The following RUNX2 variants were observed in gnomAD, a reference collection of about 807,000 sequenced individuals.
RUNX2 encodes runt-related transcription factor 2.
In RUNX2, 10 loss-of-function variants were observed where a neutral mutation model predicts 51.7. The observed-to-expected ratio is 0.19, with a 90% CI of 0.12 to 0.33. RUNX2 has a LOEUF of 0.33. Ranked by LOEUF, RUNX2 falls within the 10% of genes least tolerant of loss-of-function variation. The pLI is 1.00. For missense variants in RUNX2, 562 were observed against 691.3 expected, an observed-to-expected ratio of 0.81 and a Z score of 2.10; for synonymous variants, 276 against 273.6, an observed-to-expected ratio of 1.01 and a Z score of -0.09.
rs534298123 is a variant in RUNX2 at position 45,444,196 on chromosome 6, G to T, written c.685+6145G>T. Reference sequence around the variant, plus strand: ...TGTATCATCCAACTTTGAAATTCTTGCTTGCTGGCACCTTGGCAAACCTAC... The same window carrying T: ...TGTATCATCCAACTTTGAAATTCTTTCTTGCTGGCACCTTGGCAAACCTAC... On this transcript the variant is annotated intron_variant, in intron 5 of 8. Transcript: ENST00000647337. Among the ~76,000 whole-genome samples, 7 of 152,314 alleles carry T rather than the reference G, an allele frequency of 4.6e-5. No homozygotes were observed. In the South Asian group the frequency reaches 1.4e-3, roughly 32 times the overall value.
chr6:45,344,127 T>C (rs959673436), intron 2 of RUNX2, among the ~76,000 whole-genome samples: 2 of 152,190 alleles, frequency 1.3e-5, no homozygotes, highest in African/African-American at 4.8e-5. Flanking sequence ...AGATAAAAGT[T>C]GATATGAAGT....
At chr6:45,369,412 AGTTT>A (rs1349021355) in intron 2 of RUNX2, among the ~76,000 whole-genome samples, 1 of 152,198 alleles carries the variant, frequency 6.6e-6, no homozygotes, top group Non-Finnish European at 1.5e-5. Flanking sequence ...AGTTTATATT[AGTTT>A]AATATTAAAT....
At chr6:45,393,381 T>A (rs1797513337) in intron 2 of RUNX2, among the ~76,000 whole-genome samples, 1 of 152,146 alleles carries the variant, frequency 6.6e-6, no homozygotes, top group Non-Finnish European at 1.5e-5. Context: ...AGCTGCGGTG[T>A]CAGTGTCTAA....
At chr6:45,544,224 G>A (rs1285270500) in intron 7 of RUNX2, among the ~76,000 whole-genome samples, 1 of 151,966 alleles carries the variant, frequency 6.6e-6, no homozygotes, top group Non-Finnish European at 1.5e-5. Context: ...TTGTTGCATT[G>A]TTTTCTATAA....
chr6:45,472,386 A>G lies in RUNX2; in HGVS notation c.686-19555A>G, dbSNP rs116299090. On this transcript the variant is annotated intron_variant, in intron 5 of 8. Coordinates refer to ENST00000647337, the MANE Select transcript of RUNX2 (RefSeq NM_001024630.4). ...CAGATGTATATGATGTTGGAATTAC[A>G]TTCCCCTCTCCCCCAGAAAGAACAT... Among the ~76,000 whole-genome samples the G allele has an allele frequency of 6.3e-3, 964 of 152,320 alleles. 9 individuals carry two copies. Among genetic ancestry groups the G allele is most frequent in the African/African-American group, 0.022 (903 of 41,566 alleles).
rs574750703 is a variant in RUNX2 at position 45,425,522 on chromosome 6, T to A, written c.423+2565T>A. On this transcript the variant is annotated intron_variant, in intron 3 of 8. Transcript: ENST00000647337. Reference sequence around the variant, plus strand: ...ATATCAATTGAATAATGAATTGAGTTAACCTACAACCTGACTGTCAATGTC... The same window carrying A: ...ATATCAATTGAATAATGAATTGAGTAAACCTACAACCTGACTGTCAATGTC... Among the ~76,000 whole-genome samples, 283 of 152,352 alleles carry A rather than the reference T, an allele frequency of 1.9e-3. 1 individual carries two copies. The highest frequency in any genetic ancestry group is 6.4e-3 in the African/African-American group (267 of 41,584).
At chr6:45,508,385 C>T (rs1801043826) in intron 6 of RUNX2, among the ~76,000 whole-genome samples, 2 of 151,942 alleles carry the variant, frequency 1.3e-5, no homozygotes, top group Non-Finnish European at 1.5e-5. Context: ...TGTGCCACCA[C>T]GCCCAGCTAA....
intron 5 of RUNX2, among the ~76,000 whole-genome samples, chr6:45,459,785 G>C (rs1256140084): frequency 6.6e-6 from 1 of 152,224 alleles, no homozygotes; most frequent in East Asian, 1.9e-4. Context: ...CAGGGTAAGG[G>C]GACAGAGGGA....
chr6:45,516,748 A>T (rs2150425628), intron 7 of RUNX2, among the ~76,000 whole-genome samples: 1 of 152,352 alleles, frequency 6.6e-6, no homozygotes, highest in Non-Finnish European at 1.5e-5. Flanking sequence ...GGCAGTTTTG[A>T]TCTTCAAAGC....
intron 4 of RUNX2, among the ~76,000 whole-genome samples, chr6:45,432,832 C>G (rs571964434): frequency 2.9e-4 from 44 of 152,174 alleles, no homozygotes; most frequent in Non-Finnish European, 6.3e-4. Context: ...CTATTAGAAG[C>G]ATTATGCTTA....
intron 2 of RUNX2, among the ~76,000 whole-genome samples, chr6:45,401,007 G>A (rs917602360): frequency 6.6e-5 from 10 of 152,058 alleles, no homozygotes; most frequent in Non-Finnish European, 1.5e-4. Context: ...AAGTATATGA[G>A]TGTTTGCTGT....
At chr6:45,455,148 C>G (rs573255445) in intron 5 of RUNX2, among the ~76,000 whole-genome samples, 18 of 152,154 alleles carry the variant, frequency 1.2e-4, no homozygotes, top group African/African-American at 4.3e-4. Context: ...TCACCGTTCT[C>G]CTCCACATAA....
At chr6:45,335,464 C>G (rs1252640554) in intron 2 of RUNX2, among the ~76,000 whole-genome samples, 2 of 151,164 alleles carry the variant, frequency 1.3e-5, no homozygotes, top group African/African-American at 4.8e-5. Context: ...TCTCTTCAAT[C>G]AATTACAATT....
intron 7 of RUNX2, among the ~76,000 whole-genome samples, chr6:45,519,248 A>G (rs1563121311): frequency 6.6e-6 from 1 of 152,228 alleles, no homozygotes; most frequent in Non-Finnish European, 1.5e-5. Context: ...TTCTTTTGAG[A>G]GATTTTAAGT....
intron 5 of RUNX2, among the ~76,000 whole-genome samples, chr6:45,468,570 G>A (rs187118349): frequency 1.3e-4 from 20 of 152,090 alleles, no homozygotes; most frequent in Non-Finnish European, 2.4e-4. Flanking sequence ...AACAAAATAT[G>A]CTTTGTCTTT....
intron 7 of RUNX2, among the ~76,000 whole-genome samples, chr6:45,516,188 G>A (rs1056968938): frequency 2.0e-5 from 3 of 152,088 alleles, no homozygotes; most frequent in African/African-American, 7.2e-5. Flanking sequence ...AATGATAAAG[G>A]TATGTTACCT....
intron 2 of RUNX2, among the ~76,000 whole-genome samples, chr6:45,367,194 G>T (rs1165540161): frequency 6.6e-6 from 1 of 152,094 alleles, no homozygotes; most frequent in Non-Finnish European, 1.5e-5. Flanking sequence ...ATATCCCTCT[G>T]GTCTAGTCTG....
At chr6:45,405,873 C>T (rs1390467143) in intron 2 of RUNX2, among the ~76,000 whole-genome samples, 1 of 152,130 alleles carries the variant, frequency 6.6e-6, no homozygotes, top group African/African-American at 2.4e-5. Flanking sequence ...TCACATCTAG[C>T]ATTACGATTT....
intron 6 of RUNX2, among the ~76,000 whole-genome samples, chr6:45,511,874 C>T (rs1801161242): frequency 6.6e-6 from 1 of 152,176 alleles, no homozygotes; most frequent in Admixed American, 6.5e-5. Context: ...TCCATGTTCA[C>T]TGGAGGAATT....
Sources: allele counts gnomAD v4.1 joint callset (sites outside exome capture counted in the v4.1 genomes callset), GRCh38; gene constraint gnomAD v4.1.1; transcripts MANE v1.5; gene names NCBI Gene and HGNC (gene_info 2026-07-23, HGNC 2026-07-21).